Variants in KLF13 observed in about 807,000 individuals in gnomAD.
KLF13 encodes Krueppel-like factor 13.
A neutral mutation model predicts 16.7 loss-of-function variants in KLF13; 8 were observed. That is an observed-to-expected ratio of 0.48 (90% confidence interval 0.28 to 0.87). The LOEUF is 0.87. KLF13 is among the 40% of genes least tolerant of loss of function. The pLI is 0.10. For missense variants in KLF13, 447 were observed against 452.2 expected, an observed-to-expected ratio of 0.99 and a Z score of 0.10; for synonymous variants, 245 against 208.4, an observed-to-expected ratio of 1.18 and a Z score of -1.51.
chr15:31,405,037 C>T (rs1466237390), downstream of KLF13, among the ~76,000 whole-genome samples: 1 of 152,174 alleles, frequency 6.6e-6, no homozygotes, highest in East Asian at 1.9e-4. Context: ...GTAGATGGAA[C>T]CATGTGCCCC....
At chr15:31,435,028 C>T (rs2040513359) in intron 1 of KLF13, among the ~76,000 whole-genome samples, 1 of 152,218 alleles carries the variant, frequency 6.6e-6, no homozygotes, top group South Asian at 2.1e-4. Flanking sequence ...CTTGAGCCGT[C>T]GCAGCTCAGC....
intron 1 of KLF13, among the ~76,000 whole-genome samples, chr15:31,334,137 T>A (rs926719856): frequency 2.6e-5 from 4 of 152,222 alleles, no homozygotes; most frequent in African/African-American, 9.6e-5. Flanking sequence ...AAGGACCACC[T>A]GGAGGAGGCC....
chr15:31,327,833 G>GGCGCGTCC (rs2038745694), intron 1 of KLF13, 44 bp downstream of exon 1: 1 of 1,368,962 alleles, frequency 7.3e-7, no homozygotes, highest in Non-Finnish European at 9.5e-7. Context: ...GGACGGGGTC[G>GGCGCGTCC]GCGCGAGCTG....
At chr15:31,371,723 G>A (rs1324063706) in intron 1 of KLF13, among the ~76,000 whole-genome samples, 1 of 152,232 alleles carries the variant, frequency 6.6e-6, no homozygotes, top group Non-Finnish European at 1.5e-5. Flanking sequence ...CCACTGCCAG[G>A]AGCCTGGGGC....
intron 2 of KLF13, among the ~76,000 whole-genome samples, chr15:31,396,909 A>G (rs1052196682): frequency 3.3e-5 from 5 of 152,068 alleles, no homozygotes; most frequent in African/African-American, 1.2e-4. Flanking sequence ...TTTTCTCCCA[A>G]AGTTAGTTCA....
At chr15:31,349,015 A>G (rs570613862) in intron 1 of KLF13, among the ~76,000 whole-genome samples, 8 of 152,134 alleles carry the variant, frequency 5.3e-5, no homozygotes, top group Non-Finnish European at 8.8e-5. Context: ...AGAGGCCCCA[A>G]TTCCTAAGAC....
At chr15:31,422,855 C>T (rs1432468876) in intron 1 of KLF13, among the ~76,000 whole-genome samples, 3 of 151,462 alleles carry the variant, frequency 2.0e-5, no homozygotes, top group Non-Finnish European at 4.4e-5. Context: ...GCCAACATGG[C>T]AAAACCCTGT....
chr15:31,429,605 A>G (rs2040444609), intron 1 of KLF13, among the ~76,000 whole-genome samples: 1 of 152,242 alleles, frequency 6.6e-6, no homozygotes, highest in Non-Finnish European at 1.5e-5. Context: ...ATATTTTACC[A>G]GAATTAAATA....
At chr15:31,414,090 T>C (rs2040228580) in intron 1 of KLF13, among the ~76,000 whole-genome samples, 1 of 152,128 alleles carries the variant, frequency 6.6e-6, no homozygotes, top group African/African-American at 2.4e-5. Flanking sequence ...ATGGGGGACA[T>C]GGAACAGGGC....
chr15:31,417,706 T>C (rs183025990), intron 1 of KLF13, among the ~76,000 whole-genome samples: 3 of 152,048 alleles, frequency 2.0e-5, no homozygotes, highest in Admixed American at 6.5e-5. Context: ...CATGCTTTGC[T>C]AATTTTTGTA....
At chr15:31,380,021 C>T (rs546082304), downstream of KLF13, among the ~76,000 whole-genome samples, 5 of 152,300 alleles carry the variant, frequency 3.3e-5, no homozygotes, top group African/African-American at 7.2e-5. Flanking sequence ...CTTCTGGCCG[C>T]GCGCAGTGGT....
At chr15:31,392,727 C>T (rs1242084952), upstream of KLF13, 3 of 152,266 alleles carry the variant, frequency 2.0e-5, no homozygotes, top group Non-Finnish European at 4.4e-5. Context: ...CAATGGGGGT[C>T]CTGCACCGGC....
At chr15:31,327,870 T>A (rs1339340824) in intron 1 of KLF13, 81 bp downstream of exon 1, 10 of 1,198,396 alleles carry the variant, frequency 8.3e-6, no homozygotes, top group Non-Finnish European at 1.0e-5. Context: ...GAGTCCCCGA[T>A]GGGGCGCGAG....
intron 1 of KLF13, among the ~76,000 whole-genome samples, chr15:31,352,359 C>T (rs943631182): frequency 6.6e-6 from 1 of 152,238 alleles, no homozygotes; most frequent in African/African-American, 2.4e-5. Flanking sequence ...GTCTGCCCTA[C>T]AGGCTCCCTT....
chr15:31,370,044 CTTTTTTT>C (rs912005994), intron 1 of KLF13, among the ~76,000 whole-genome samples: 34 of 99,302 alleles, frequency 3.4e-4, no homozygotes, highest in Admixed American at 5.8e-4. Context: ...TCTCCTTTTT[CTTTTTTT>C]TTTTTTTTTT....
upstream of KLF13, among the ~76,000 whole-genome samples, chr15:31,390,122 AC>A (rs995478561): frequency 6.6e-6 from 1 of 151,972 alleles, no homozygotes; most frequent in Non-Finnish European, 1.5e-5. Flanking sequence ...CAGTTTTGCC[AC>A]CCTTTTATTC....
At chr15:31,379,489 AC>A (rs1408643252), downstream of KLF13, among the ~76,000 whole-genome samples, 2 of 151,244 alleles carry the variant, frequency 1.3e-5, no homozygotes, top group African/African-American at 4.9e-5. Context: ...GAGATTTGAA[AC>A]CCCTCCTGGT....
chr15:31,352,702 T>C (rs1303709585), intron 1 of KLF13, among the ~76,000 whole-genome samples: 1 of 152,264 alleles, frequency 6.6e-6, no homozygotes, highest in Non-Finnish European at 1.5e-5. Flanking sequence ...CTCTGAATTA[T>C]GACCACTGGG....
chr15:31,388,222 GT>G (rs2039815646), upstream of KLF13, among the ~76,000 whole-genome samples: 1 of 152,162 alleles, frequency 6.6e-6, no homozygotes, highest in African/African-American at 2.4e-5. Context: ...TTGTTTGTTT[GT>G]TTTCCCTTCA....
Sources: gnomAD v4.1 joint callset for allele counts (sites outside exome capture counted in the v4.1 genomes callset) on GRCh38, gnomAD v4.1.1 for gene constraint, MANE v1.5 for transcripts, NCBI Gene and HGNC (gene_info 2026-07-23, HGNC 2026-07-21) for gene names.